SND1: variants seen among roughly 807,000 people sequenced by gnomAD.
SND1 encodes the protein staphylococcal nuclease and tudor domain containing 1, also known as staphylococcal nuclease domain-containing protein 1.
A neutral mutation model predicts 121.7 loss-of-function variants in SND1; 38 were observed. That is an observed-to-expected ratio of 0.31 (90% confidence interval 0.24 to 0.41). SND1 has a LOEUF of 0.41. SND1 is among the 10% of genes least tolerant of loss of function. The probability of loss-of-function intolerance (pLI) is 1.00; values close to 1 mark genes in which losing one functional copy is unlikely to be tolerated. For synonymous variants in SND1, 401 were observed against 447.4 expected, an observed-to-expected ratio of 0.90 and a Z score of 1.31; for missense variants, 868 against 1,184.6, an observed-to-expected ratio of 0.73 and a Z score of 3.92.
rs575574168 is a variant in SND1 at position 127,822,730 on chromosome 7, A to T, written c.1242+15157A>T. Among the ~76,000 whole-genome samples, 3 of 152,338 alleles carry T rather than the reference A, an allele frequency of 2.0e-5. No homozygotes were observed. The South Asian group carries it at 6.2e-4, about 32-fold the overall frequency. On this transcript the variant is annotated intron_variant, in intron 11 of 23. Coordinates refer to ENST00000354725, the MANE Select transcript of SND1 (RefSeq NM_014390.4). ...AATTTTCAACTTAGCTAGTAATTAT[A>T]TGTTACTTACTGTTTTGTAACCTGC...
At chr7:127,854,426 C>G (rs907902392) in intron 12 of SND1, among the ~76,000 whole-genome samples, 1 of 152,174 alleles carries the variant, frequency 6.6e-6, no homozygotes, top group Non-Finnish European at 1.5e-5. Flanking sequence ...CCACTCCGGC[C>G]AGGGCTTTAT....
At chr7:127,697,597 G>A (rs970654965) in intron 3 of SND1, among the ~76,000 whole-genome samples, 1 of 152,170 alleles carries the variant, frequency 6.6e-6, no homozygotes, top group African/African-American at 2.4e-5. Context: ...ATTTACTAAT[G>A]TGTCTTTGGC....
At chr7:127,863,565 T>C (rs1799416738) in intron 12 of SND1, among the ~76,000 whole-genome samples, 1 of 152,220 alleles carries the variant, frequency 6.6e-6, no homozygotes, top group South Asian at 2.1e-4. Context: ...CAGTGCTATA[T>C]GAATGTCATA....
chr7:127,827,094 G>C (rs1373750255), intron 11 of SND1, among the ~76,000 whole-genome samples: 7 of 152,098 alleles, frequency 4.6e-5, no homozygotes, highest in Admixed American at 4.6e-4. Context: ...CTGATATTTA[G>C]GATCTTAGTT....
At chr7:127,825,362 G>A (rs148013882) in intron 11 of SND1, among the ~76,000 whole-genome samples, 2,722 of 151,504 alleles carry the variant, frequency 0.018, 42 homozygotes, top group South Asian at 0.048. Context: ...ACCTGCCTTG[G>A]CCTCCCAAAG....
rs1284254030 is a variant in SND1 at position 127,844,304 on chromosome 7, C to A, written c.1243-20C>A. ...TGTTGCAGACTCTCAACCCTAATTCCCTTGATTCTTTGTTTCCAGGTCAAT... is the reference window on the plus strand; with the variant it reads ...TGTTGCAGACTCTCAACCCTAATTCACTTGATTCTTTGTTTCCAGGTCAAT... On this transcript the variant is annotated intron_variant, in intron 11 of 23. Coordinates refer to ENST00000354725, the MANE Select transcript of SND1 (RefSeq NM_014390.4). 2.5e-6 allele frequency: 4 copies of A among 1,606,622 alleles called. No homozygotes were observed. Among genetic ancestry groups the A allele is most frequent in the Non-Finnish European group, 2.6e-6 (3 of 1,174,370 alleles).
At position 127,742,480 on chromosome 7, in the gene SND1, C is replaced by T. The variant is rs73723065; in HGVS notation, c.1152+21080C>T. Among the ~76,000 whole-genome samples, 641 of 151,914 alleles carry T rather than the reference C, an allele frequency of 4.2e-3. 7 individuals are homozygous for T. Among genetic ancestry groups the T allele is most frequent in the African/African-American group, 0.015 (608 of 41,412 alleles). On this transcript the variant is annotated intron_variant, in intron 10 of 23. Coordinates refer to ENST00000354725, the MANE Select transcript of SND1 (RefSeq NM_014390.4). ...AGATCCACTGAACCCTACTCACCTT[C>T]GTTTTTCCTGCAATACTTTTTTTTT...
At chr7:127,769,644 T>C (rs1444700081) in intron 10 of SND1, among the ~76,000 whole-genome samples, 1 of 152,196 alleles carries the variant, frequency 6.6e-6, no homozygotes, top group African/African-American at 2.4e-5. Flanking sequence ...AAATTTCTTT[T>C]CCTTGTATAA....
chr7:127,886,849 CAAA>C (rs11413396), intron 12 of SND1, among the ~76,000 whole-genome samples: 2 of 118,382 alleles, frequency 1.7e-5, no homozygotes, highest in Non-Finnish European at 3.4e-5. Context: ...CTTATTCTGG[CAAA>C]AAAAAAAAAA....
intron 12 of SND1, among the ~76,000 whole-genome samples, chr7:127,847,581 G>T (rs1381173127): frequency 1.3e-5 from 2 of 152,190 alleles, no homozygotes; most frequent in East Asian, 3.8e-4. Flanking sequence ...TGTTTGAAAT[G>T]AGGACTTGAA....
intron 13 of SND1, among the ~76,000 whole-genome samples, chr7:127,892,048 G>A (rs1265060078): frequency 6.6e-6 from 1 of 152,106 alleles, no homozygotes; most frequent in Non-Finnish European, 1.5e-5. Context: ...GGTTATTGCT[G>A]GTGATATCGG....
At chr7:127,864,892 A>T (rs1321907770) in intron 12 of SND1, among the ~76,000 whole-genome samples, 2 of 152,214 alleles carry the variant, frequency 1.3e-5, no homozygotes, top group East Asian at 3.8e-4. Flanking sequence ...TAAACTCCAG[A>T]CCAGATCCAT....
At chr7:128,083,436 C>A (rs747028898) in intron 18 of SND1, among the ~76,000 whole-genome samples, 62 of 152,232 alleles carry the variant, frequency 4.1e-4, no homozygotes, top group Non-Finnish European at 7.6e-4. Context: ...GCGGCTGCTA[C>A]CTTCAGGCCT....
At chr7:127,755,590 A>G (rs1797180616) in intron 10 of SND1, among the ~76,000 whole-genome samples, 1 of 152,194 alleles carries the variant, frequency 6.6e-6, no homozygotes, top group Non-Finnish European at 1.5e-5. Context: ...TGGGAGTGAA[A>G]TTTAAAATCT....
chr7:128,024,173 A>T (rs1400351437), intron 16 of SND1, among the ~76,000 whole-genome samples: 2 of 152,054 alleles, frequency 1.3e-5, no homozygotes, highest in Admixed American at 1.3e-4. Context: ...AAAACAACTT[A>T]TCCTACTGTC....
intron 15 of SND1, among the ~76,000 whole-genome samples, chr7:127,944,626 G>T (rs1403436250): frequency 6.6e-6 from 1 of 152,086 alleles, no homozygotes; most frequent in Non-Finnish European, 1.5e-5. Context: ...TAGCACAAAT[G>T]CCAAAGGCTA....
intron 10 of SND1, among the ~76,000 whole-genome samples, chr7:127,793,041 G>A (rs1410476256): frequency 6.6e-6 from 1 of 152,228 alleles, no homozygotes; most frequent in Non-Finnish European, 1.5e-5. Context: ...TTTTGAAACT[G>A]CATCACAGTA....
In SND1 at chr7:127,729,278, G is replaced by GTA. The variant is rs917064471; in HGVS notation, c.1152+7890_1152+7891dup. Among the ~76,000 whole-genome samples the GTA allele has an allele frequency of 2.8e-3, 424 of 151,438 alleles. 2 individuals are homozygous for GTA. The highest frequency in any genetic ancestry group is 9.6e-3 in the African/African-American group (396 of 41,288). On this transcript the variant is annotated intron_variant, in intron 10 of 23. Coordinates refer to ENST00000354725, the MANE Select transcript of SND1 (RefSeq NM_014390.4). ...TTATAGTTGCAGTTTTTACTGAGGG[G>GTA]TATATATATATATTTTACTGTTGTC...
At chr7:127,875,061 A>G (rs1034122751) in intron 12 of SND1, among the ~76,000 whole-genome samples, 2 of 152,176 alleles carry the variant, frequency 1.3e-5, no homozygotes, top group African/African-American at 4.8e-5. Flanking sequence ...ACAACAACTC[A>G]TTAAAAAATT....
Sources: gnomAD v4.1 joint callset for allele counts (sites outside exome capture counted in the v4.1 genomes callset) on GRCh38, gnomAD v4.1.1 for gene constraint, MANE v1.5 for transcripts, NCBI Gene and HGNC (gene_info 2026-07-23, HGNC 2026-07-21) for gene names.